Variants in NEBL observed in about 807,000 individuals in gnomAD.
NEBL encodes nebulette, also known as LIM and SH3 protein 2.
NEBL carries 122 observed loss-of-function variants against 140.2 expected under a neutral mutation model. The observed-to-expected ratio is 0.87, with a 90% CI of 0.75 to 1.01. The LOEUF (loss-of-function observed/expected upper bound fraction) is 1.01. NEBL is among the 50% of genes least tolerant of loss of function. NEBL has a pLI of 0.00. For missense variants in NEBL, 1,365 were observed against 1,231.3 expected (o/e 1.11, Z -1.62); for synonymous variants, 436 against 398.9 (o/e 1.09, Z -1.11).
intron 3 of NEBL, among the ~76,000 whole-genome samples, chr10:21,201,943 T>C (rs936532770): frequency 6.6e-6 from 1 of 152,236 alleles, no homozygotes; most frequent in African/African-American, 2.4e-5. Context: ...AAGAATATTC[T>C]ATGGAGGAGC....
chr10:21,230,644 G>A (rs1299441501), intron 3 of NEBL, among the ~76,000 whole-genome samples: 5 of 143,296 alleles, frequency 3.5e-5, no homozygotes, highest in East Asian at 2.1e-4. Context: ...TCGCTCTGTC[G>A]CCCAGGCTGG....
At chr10:21,141,884 T>A (rs1223814349) in intron 2 of NEBL, among the ~76,000 whole-genome samples, 1 of 152,182 alleles carries the variant, frequency 6.6e-6, no homozygotes, top group East Asian at 1.9e-4. Context: ...ATAGGGTGCC[T>A]GAGGTCCAGG....
chr10:20,914,521 A>G (rs1848459021), intron 4 of NEBL, among the ~76,000 whole-genome samples: 1 of 152,220 alleles, frequency 6.6e-6, no homozygotes, highest in Non-Finnish European at 1.5e-5. Context: ...TCATAAAGCG[A>G]ATTGTTTAAT....
At chr10:21,014,911 GA>G (rs1472389361) in intron 3 of NEBL, among the ~76,000 whole-genome samples, 3 of 152,178 alleles carry the variant, frequency 2.0e-5, no homozygotes, top group Admixed American at 1.3e-4. Flanking sequence ...TGCCTCTGCA[GA>G]AACCTGGAAG....
At chr10:21,220,211 C>A (rs969283765) in intron 3 of NEBL, among the ~76,000 whole-genome samples, 2 of 152,108 alleles carry the variant, frequency 1.3e-5, no homozygotes, top group African/African-American at 2.4e-5. Flanking sequence ...CCATGCCCGG[C>A]GTGATTTTTG....
rs753872291 is a variant in NEBL, at chr10:20,880,801, T to C, written c.473A>G (p.Gln158Arg). 1.2e-6 allele frequency: 2 copies of C among 1,608,272 alleles called. No homozygotes were observed. The highest frequency in any genetic ancestry group is 1.7e-6 in the Non-Finnish European group (2 of 1,174,742). Reference sequence around the variant, plus strand: ...AGAAATGCGCTTCCTTACATTACTCTGGTGTTTATTGACCTCCATGGCATG... The same window carrying C: ...AGAAATGCGCTTCCTTACATTACTCCGGTGTTTATTGACCTCCATGGCATG... ...VKHAMEVNKH[Q>R]SNISYRKDVQ... is the part of the protein sequence containing the mutation. The change falls in exon 5 of 28, where the codon CAG becomes CGG. Residue 158 changes from glutamine (Q) to arginine (R), a missense_variant. Gln to Arg is a conservative substitution (Grantham distance 43). This residue lies in a region of NEBL where 1,323 missense variants were observed against 1,154.8 expected (regional missense o/e 1.15). Transcript: ENST00000377122.
intron 2 of NEBL, among the ~76,000 whole-genome samples, chr10:21,026,830 C>G (rs958239359): frequency 5.3e-5 from 8 of 152,176 alleles, no homozygotes; most frequent in African/African-American, 1.9e-4. Context: ...TTTCTACCAT[C>G]ATTAACCACC....
At chr10:20,896,182 T>C (rs1588969492) in intron 2 of NEBL, among the ~76,000 whole-genome samples, 1 of 152,266 alleles carries the variant, frequency 6.6e-6, no homozygotes, top group East Asian at 1.9e-4. Flanking sequence ...GGAGTTACCC[T>C]TTCTCTGGAC....
chr10:21,197,922 C>T (rs1174515152), intron 3 of NEBL, among the ~76,000 whole-genome samples: 1 of 152,120 alleles, frequency 6.6e-6, no homozygotes, highest in African/African-American at 2.4e-5. Context: ...GCCCCTCACC[C>T]TCCATGATTC....
At chr10:20,931,147 C>G (rs746897249) in intron 4 of NEBL, among the ~76,000 whole-genome samples, 5 of 152,092 alleles carry the variant, frequency 3.3e-5, no homozygotes, top group Non-Finnish European at 7.4e-5. Flanking sequence ...AGCATTTCAG[C>G]TCAAAATAAA....
At chr10:21,005,064 C>T (rs116138360) in intron 3 of NEBL, among the ~76,000 whole-genome samples, 1,864 of 152,236 alleles carry the variant, frequency 0.012, 30 homozygotes, top group African/African-American at 0.043. Context: ...GAGAGTAACA[C>T]CTTATGCCCT....
At chr10:21,060,494 C>T (rs1195492586) in intron 2 of NEBL, among the ~76,000 whole-genome samples, 2 of 152,152 alleles carry the variant, frequency 1.3e-5, no homozygotes, top group African/African-American at 2.4e-5. Flanking sequence ...ATCGTACACC[C>T]TCTTGCCTAC....
At chr10:21,037,988 G>A (rs188739455) in intron 2 of NEBL, among the ~76,000 whole-genome samples, 1 of 152,152 alleles carries the variant, frequency 6.6e-6, no homozygotes, top group East Asian at 1.9e-4. Flanking sequence ...CATACCCTAG[G>A]GAGATTTCAG....
rs139490475 is a variant in NEBL at position 21,209,535 on chromosome 10, T to C, written n.349-37058A>G. ...GACTTCAGGTAGGCAGCTGGAAGTATATGTCCCAGTGACCACAGGACCCAA... is the reference window on the plus strand; with the variant it reads ...GACTTCAGGTAGGCAGCTGGAAGTACATGTCCCAGTGACCACAGGACCCAA... On this transcript the variant is annotated intron_variant and non_coding_transcript_variant, in intron 3 of 8. Transcript: ENST00000675702. Among the ~76,000 whole-genome samples the C allele has an allele frequency of 2.9e-3, 440 of 152,130 alleles. 2 individuals are homozygous for C. Among genetic ancestry groups the C allele is most frequent in the Non-Finnish European group, 5.3e-3 (360 of 68,006 alleles).
intron 4 of NEBL, among the ~76,000 whole-genome samples, chr10:20,946,028 C>A (rs930105551): frequency 2.6e-5 from 4 of 152,186 alleles, no homozygotes; most frequent in Non-Finnish European, 5.9e-5. Context: ...GATGGCCCGA[C>A]ACACAAGAGC....
chr10:21,004,163 T>C (rs559878419), intron 3 of NEBL, among the ~76,000 whole-genome samples: 2 of 152,338 alleles, frequency 1.3e-5, no homozygotes, highest in Non-Finnish European at 1.5e-5. Flanking sequence ...CTGACCTACA[T>C]TGATTCCTTT....
chr10:20,822,962 T>C (rs1425295712), intron 19 of NEBL, among the ~76,000 whole-genome samples: 1 of 152,130 alleles, frequency 6.6e-6, no homozygotes, highest in African/African-American at 2.4e-5. Flanking sequence ...GAGTCTCCAA[T>C]GTCTATGATT....
chr10:21,198,388 C>T (rs767245827), intron 3 of NEBL, among the ~76,000 whole-genome samples: 11 of 152,172 alleles, frequency 7.2e-5, no homozygotes, highest in Non-Finnish European at 1.2e-4. Flanking sequence ...CTGCTGCTTC[C>T]TTTAAAATCC....
intron 2 of NEBL, among the ~76,000 whole-genome samples, chr10:21,052,982 T>C (rs1348491335): frequency 1.3e-5 from 2 of 152,304 alleles, no homozygotes; most frequent in South Asian, 2.1e-4. Flanking sequence ...CAATATATTG[T>C]CTATTTCAAA....
Sources: gnomAD v4.1 joint callset for allele counts (sites outside exome capture counted in the v4.1 genomes callset) on GRCh38, gnomAD v4.1.1 for gene constraint, gnomAD v4.1.1 regional missense constraint, MANE v1.5 for transcripts, NCBI Gene and HGNC (gene_info 2026-07-23, HGNC 2026-07-21) for gene names.